The following CSGALNACT1 variants were observed in gnomAD, a reference collection of about 807,000 sequenced individuals.
The protein encoded by CSGALNACT1 is beta4GalNAcT-1.
A neutral mutation model predicts 51.0 loss-of-function variants in CSGALNACT1; 52 were observed. That is an observed-to-expected ratio of 1.02 (90% confidence interval 0.82 to 1.29). The LOEUF is 1.29. CSGALNACT1 is among the 50% of genes most tolerant of loss of function. CSGALNACT1 has a pLI of 0.00. For synonymous variants in CSGALNACT1, 341 were observed against 254.4 expected, an observed-to-expected ratio of 1.34 and a Z score of -3.24; for missense variants, 935 against 679.2, an observed-to-expected ratio of 1.38 and a Z score of -4.19.
Position 19,457,883 on chromosome 8 carries a change from G to A in CSGALNACT1, c.851+543C>T, listed in dbSNP as rs187492617. The A allele has an allele frequency of 3.9e-5, 40 of 1,036,526 alleles. No individual in the cohort carries two copies. In the East Asian group the frequency reaches 1.6e-3, roughly 42 times the overall value. 64.2% of individuals were successfully genotyped at this position (1,036,526 alleles called of 1,614,324 possible). A position where few individuals can be genotyped will look rare whatever the true frequency, so the allele number is the denominator to read the frequency against. ...AAAATGTGGGCTTGAAACCTTCTTGGTATAATTCTACACTTAAGTCTAAGA... is the reference window on the plus strand; with the variant it reads ...AAAATGTGGGCTTGAAACCTTCTTGATATAATTCTACACTTAAGTCTAAGA... On this transcript the variant is annotated intron_variant, in intron 5 of 9. Transcript: ENST00000454498.
chr8:19,498,868 C>T (rs534688594), intron 4 of CSGALNACT1, among the ~76,000 whole-genome samples: 2 of 152,354 alleles, frequency 1.3e-5, no homozygotes, highest in East Asian at 3.9e-4. Context: ...AATCTCAATG[C>T]TTTGGGATGC....
rs552718731 is a variant in CSGALNACT1, at chr8:19,570,692, G to C, written c.-297+20468C>G. ...CGAAGTGGGCAGATCACGAGGGTAG[G>C]AGTTCGAGACCAGCTCGGCCAACAT... On this transcript the variant is annotated intron_variant, in intron 3 of 9. Transcript: ENST00000454498. 1.5e-4 allele frequency among the ~76,000 whole-genome samples: 23 copies of C among 152,304 alleles called. 1 individual carries two copies. Among genetic ancestry groups the C allele is most frequent in the Admixed American group, 1.4e-3 (22 of 15,302 alleles).
chr8:19,750,322 G>A (rs937179167), intron 1 of CSGALNACT1, among the ~76,000 whole-genome samples: 5 of 152,146 alleles, frequency 3.3e-5, no homozygotes, highest in Admixed American at 2.0e-4. Context: ...CCAGCCTCTG[G>A]TGGAAGAACC....
chr8:19,723,933 C>T (rs1421198361), intron 1 of CSGALNACT1, among the ~76,000 whole-genome samples: 2 of 152,058 alleles, frequency 1.3e-5, no homozygotes, highest in African/African-American at 4.8e-5. Context: ...TTTTTTCAAT[C>T]AATAGAAGTA....
At chr8:19,435,639 A>T (rs1671584255) in intron 6 of CSGALNACT1, among the ~76,000 whole-genome samples, 1 of 152,174 alleles carries the variant, frequency 6.6e-6, no homozygotes, top group South Asian at 2.1e-4. Context: ...AGGCCCACTG[A>T]TTCAGGATTT....
At chr8:19,405,272 G>A (rs1199468779) in exon 10 of CSGALNACT1, 5 of 453,246 alleles carry the variant, frequency 1.1e-5, no homozygotes, top group Admixed American at 9.4e-5. Context: ...TTTCTTTTCT[G>A]GTCCATTTTA....
intron 3 of CSGALNACT1, among the ~76,000 whole-genome samples, chr8:19,572,793 TTGAC>T (rs2043303154): frequency 6.6e-6 from 1 of 152,220 alleles, no homozygotes; most frequent in African/African-American, 2.4e-5. Context: ...TCACTGATAA[TTGAC>T]AGTAAGATTT....
intron 1 of CSGALNACT1, among the ~76,000 whole-genome samples, chr8:19,755,915 G>A (rs1354167316): frequency 6.6e-6 from 1 of 152,228 alleles, no homozygotes; most frequent in Non-Finnish European, 1.5e-5. Flanking sequence ...CTTACAATGG[G>A]TATGGCCCGT....
At chr8:19,549,406 C>T (rs915863124) in intron 3 of CSGALNACT1, among the ~76,000 whole-genome samples, 4 of 152,010 alleles carry the variant, frequency 2.6e-5, no homozygotes, top group Non-Finnish European at 4.4e-5. Context: ...TGGTTGATTT[C>T]TCTATGTATC....
chr8:19,530,176 A>G (rs1345071359), intron 3 of CSGALNACT1, among the ~76,000 whole-genome samples: 1 of 152,108 alleles, frequency 6.6e-6, no homozygotes, highest in Non-Finnish European at 1.5e-5. Flanking sequence ...AGCCAAGATC[A>G]CGCCACTGCA....
At chr8:19,451,219 C>A (rs2063132402) in intron 5 of CSGALNACT1, among the ~76,000 whole-genome samples, 1 of 152,138 alleles carries the variant, frequency 6.6e-6, no homozygotes, top group African/African-American at 2.4e-5. Flanking sequence ...TAAATATGAA[C>A]AGCTGGAGGA....
chr8:19,509,550 A>C (rs1417712250), intron 3 of CSGALNACT1, among the ~76,000 whole-genome samples: 2 of 139,258 alleles, frequency 1.4e-5, no homozygotes. Context: ...TGAACCCGGG[A>C]GGCAGAGGTT....
At chr8:19,432,245 G>C (rs2059754590) in intron 6 of CSGALNACT1, among the ~76,000 whole-genome samples, 1 of 152,140 alleles carries the variant, frequency 6.6e-6, no homozygotes. Context: ...AGAATTATTA[G>C]TTGAAATCTT....
intron 3 of CSGALNACT1, among the ~76,000 whole-genome samples, chr8:19,535,850 A>T (rs369137421): frequency 3.6e-4 from 55 of 152,324 alleles, no homozygotes; most frequent in African/African-American, 1.3e-3. Context: ...AGGAATATCT[A>T]CAATAAACCT....
chr8:19,681,333 G>A (rs2154208860), intron 1 of CSGALNACT1, among the ~76,000 whole-genome samples: 1 of 152,312 alleles, frequency 6.6e-6, no homozygotes, highest in East Asian at 1.9e-4. Context: ...ATGAGAACTA[G>A]ACCAGCAGAT....
At chr8:19,418,634 C>T in intron 8 of CSGALNACT1, 22 bp downstream of exon 7, 5 of 1,507,650 alleles carry the variant, frequency 3.3e-6, no homozygotes, top group Non-Finnish European at 4.6e-6. Flanking sequence ...CACACAGAGC[C>T]ATCTGCAGGG....
chr8:19,481,101 C>T (rs1403652987), intron 4 of CSGALNACT1, among the ~76,000 whole-genome samples: 1 of 152,172 alleles, frequency 6.6e-6, no homozygotes, highest in African/African-American at 2.4e-5. Flanking sequence ...TGTAATTAAT[C>T]AGGCATTAGC....
At chr8:19,438,346 G>T (rs987259986) in intron 6 of CSGALNACT1, among the ~76,000 whole-genome samples, 1 of 152,146 alleles carries the variant, frequency 6.6e-6, no homozygotes, top group Non-Finnish European at 1.5e-5. Flanking sequence ...TGACAGAGAC[G>T]TTAAAACCTA....
chr8:19,442,380 T>C (rs2061453255), intron 5 of CSGALNACT1, among the ~76,000 whole-genome samples: 1 of 152,116 alleles, frequency 6.6e-6, no homozygotes. Context: ...CATGGAATAC[T>C]ATGCAGCCAT....
Sources: gnomAD v4.1 joint callset for allele counts (sites outside exome capture counted in the v4.1 genomes callset) on GRCh38, gnomAD v4.1.1 for gene constraint, MANE v1.5 for transcripts, NCBI Gene and HGNC (gene_info 2026-07-23, HGNC 2026-07-21) for gene names.